The following TYMS variants were observed in gnomAD, a reference collection of about 807,000 sequenced individuals.
TYMS encodes the protein thymidylate synthase.
Under a neutral mutation model 39.3 loss-of-function variants are expected in TYMS, and 21 were observed. The observed-to-expected ratio is 0.54, with a 90% CI of 0.38 to 0.77. The LOEUF (loss-of-function observed/expected upper bound fraction) is 0.77, where lower values mean the gene tolerates loss of function less well. Ranked by LOEUF, TYMS falls within the 30% of genes least tolerant of loss-of-function variation. The pLI is 0.00. For missense variants in TYMS, 273 were observed against 406.7 expected, an observed-to-expected ratio of 0.67 and a Z score of 2.83; for synonymous variants, 171 against 162.2, an observed-to-expected ratio of 1.05 and a Z score of -0.41.
intron 4 of TYMS, 174 bp downstream of exon 4, chr18:669,347 A>T: frequency 2.0e-6 from 1 of 502,764 alleles, no homozygotes; most frequent in Non-Finnish European, 3.6e-6. Flanking sequence ...CCTTCAGATC[A>T]TGAGGTTGGG....
chr18:667,292 A>G (rs111211210), intron 3 of TYMS, among the ~76,000 whole-genome samples: 2 of 17,462 alleles, frequency 1.1e-4, no homozygotes, highest in Non-Finnish European at 1.8e-4. Context: ...ATGGTGATGG[A>G]GATGGTGATG....
At chr18:665,765 G>A (rs2074806136) in intron 3 of TYMS, among the ~76,000 whole-genome samples, 1 of 97,132 alleles carries the variant, frequency 1.0e-5, no homozygotes, top group South Asian at 3.4e-4. Flanking sequence ...CCTTCATTTC[G>A]TTATGTACCC....
intron 3 of TYMS, among the ~76,000 whole-genome samples, chr18:662,688 C>T (rs2074769619): frequency 6.6e-6 from 1 of 151,692 alleles, no homozygotes; most frequent in Admixed American, 6.6e-5. Context: ...CAACAGTCCC[C>T]AGAGTGTGAT....
intron 6 of TYMS, 192 bp from the exon 7 acceptor site, chr18:672,668 C>T (rs1419653430): frequency 2.1e-6 from 1 of 475,534 alleles, no homozygotes; most frequent in Non-Finnish European, 3.6e-6. Flanking sequence ...CCCTCACTCT[C>T]GATCTGTGCA....
At chr18:662,503 TC>T (rs369035695) in intron 3 of TYMS, among the ~76,000 whole-genome samples, 183 bp downstream of exon 3, 9 of 126,452 alleles carry the variant, frequency 7.1e-5, no homozygotes, top group Admixed American at 1.5e-4. Flanking sequence ...CGTTTCACAC[TC>T]TTTTTTTTTT....
In TYMS at chr18:670,708, G is replaced by A. The variant is rs147721429; in HGVS notation, c.573G>A (p.Ala191=). 271 of 1,613,620 alleles carry A rather than the reference G, an allele frequency of 1.7e-4. 1 individual carries two copies. The highest frequency in any genetic ancestry group is 2.1e-4 in the Non-Finnish European group (247 of 1,179,880). ...AWNPRDLPLM[A]LPPCHALCQF... is the part of the protein sequence containing the mutation. ...GTTCCTCAGATCTTCCTCTGATGGC[G>A]CTGCCTCCATGCCATGCCCTCTGCC... The change falls in exon 5 of 7, where the codon GCG becomes GCA. Residue 191 remains alanine (A), a synonymous_variant. Transcript: ENST00000323274.
At chr18:669,678 A>G (rs1285291868) in intron 4 of TYMS, among the ~76,000 whole-genome samples, 1 of 152,112 alleles carries the variant, frequency 6.6e-6, no homozygotes, top group Non-Finnish European at 1.5e-5. Context: ...CTTACACCAA[A>G]AAGGGTTTTA....
intron 3 of TYMS, among the ~76,000 whole-genome samples, chr18:667,551 G>GGT: frequency 3.3e-5 from 3 of 91,912 alleles, no homozygotes; most frequent in Non-Finnish European, 6.0e-5. Context: ...TGATGGTGAT[G>GGT]GAGATGGTGA....
At chr18:661,341 T>C (rs1051442170) in intron 2 of TYMS, among the ~76,000 whole-genome samples, 1 of 152,250 alleles carries the variant, frequency 6.6e-6, no homozygotes, top group African/African-American at 2.4e-5. Context: ...ACCTTGATAG[T>C]TGGAGTTACT....
At chr18:672,533 G>A (rs550834822) in intron 6 of TYMS, 62 of 180,938 alleles carry the variant, frequency 3.4e-4, no homozygotes, top group Non-Finnish European at 6.4e-4. Context: ...TCAAGTAAAC[G>A]TAGAGCTACT....
intron 6 of TYMS, 117 bp downstream of exon 6, chr18:671,568 G>A (rs1166292920): frequency 1.3e-6 from 1 of 762,108 alleles, no homozygotes; most frequent in Non-Finnish European, 2.3e-6. Flanking sequence ...TCCAAATGTG[G>A]GGCTTCAGTT....
At chr18:666,337 G>C (rs553562263) in intron 3 of TYMS, among the ~76,000 whole-genome samples, 2 of 152,180 alleles carry the variant, frequency 1.3e-5, no homozygotes, top group East Asian at 3.9e-4. Context: ...CTGAGCCACA[G>C]CGTGCTGTAG....
intron 6 of TYMS, 43 bp downstream of exon 6, chr18:671,494 T>G (rs779554920): frequency 1.6e-6 from 2 of 1,264,840 alleles, no homozygotes; most frequent in South Asian, 2.4e-5. Flanking sequence ...TACCTTCTCT[T>G]GATAAAAGGT....
chr18:657,939 G>A lies in TYMS; in HGVS notation c.197G>A (p.Ser66Asn). 1 of 1,511,268 alleles carries A rather than the reference G, an allele frequency of 6.6e-7. No homozygotes were observed. Among genetic ancestry groups the A allele is most frequent in the South Asian group, 1.3e-5 (1 of 74,308 alleles). The allele number at this position is 1,511,268 out of a possible 1,614,324, so 93.6% of individuals were successfully genotyped here. ...LSVFGMQARY[S>N]LRDEFPLLTT... ...GTATTCGGCATGCAGGCGCGCTACAGCCTGAGAGGTGACGCCGCGGGCCCC... is the reference window on the plus strand; with the variant it reads ...GTATTCGGCATGCAGGCGCGCTACAACCTGAGAGGTGACGCCGCGGGCCCC... Residue 66 changes from serine (S) to asparagine (N), a missense_variant, in exon 1 of 7, where the codon AGC becomes AAC. Transcript: ENST00000323274.
rs567074603 is a variant in TYMS, at chr18:660,449, G to A, written c.279+735G>A. On this transcript the variant is annotated intron_variant, in intron 2 of 6. Transcript: ENST00000323274. The surrounding 1 kb of genome is among the most constrained non-coding windows in gnomAD (Gnocchi z 4.6). ...TCCCCTGTTAGAAGGGGGACAGCAG[G>A]TAGTAAAAGTGAAATGTGCTGTAAG... is the stretch of plus-strand genomic sequence containing the variant. Among the ~76,000 whole-genome samples the A allele has an allele frequency of 6.6e-6, 1 of 152,280 alleles. No homozygotes were observed. Among genetic ancestry groups the A allele is most frequent in the African/African-American group, 2.4e-5 (1 of 41,532 alleles).
At position 670,834 on chromosome 18, in the gene TYMS, C is replaced by T. The variant is rs749801250; in HGVS notation, c.699C>T (p.Leu233=). 2.2e-5 allele frequency: 36 copies of T among 1,613,920 alleles called. No individual in the cohort carries two copies. Among genetic ancestry groups the T allele is most frequent in the Non-Finnish European group, 3.0e-5 (35 of 1,180,010 alleles). The change falls in exon 5 of 7, where the codon CTC becomes CTT. Residue 233 remains leucine (L), a synonymous_variant. Transcript: ENST00000323274. The part of the protein sequence containing the change: ...VPFNIASYAL[L]TYMIAHITGL... ...TCAACATCGCCAGCTACGCCCTGCT[C>T]ACGTACATGATTGCGCACATCACGG...
chr18:658,302 G>T lies in TYMS; in HGVS notation c.205+355G>T, dbSNP rs887590638. 2.2e-6 allele frequency: 3 copies of T among 1,391,324 alleles called. No individual in the cohort carries two copies. The African/African-American group carries it at 4.3e-5, about 20-fold the overall frequency. The allele number at this position is 1,391,324 out of a possible 1,614,324, so 86.2% of individuals were successfully genotyped here. On this transcript the variant is annotated intron_variant, in intron 1 of 6. Transcript: ENST00000323274. This position sits in a 1 kb window ranked among gnomAD's most constrained non-coding sequence, Gnocchi z 4.5. ...TAGGGAGAGCTGCCTGGGCTTGACC[G>T]CGCGCCGGTCTCAAAGTCCTGGCTT...
At chr18:663,916 G>A (rs2074781690) in intron 3 of TYMS, among the ~76,000 whole-genome samples, 1 of 108,432 alleles carries the variant, frequency 9.2e-6, no homozygotes, top group Non-Finnish European at 1.8e-5. Flanking sequence ...TTTGGTTACT[G>A]TAGCCTTGTA....
chr18:657,671 CCGCCG>C lies in TYMS; in HGVS notation c.-67_-63del. ...CCGCGCCACTTGGCCTGCCTCCGTC[CCGCCG>C]CGCCACTTGGCCTGCCTCCGTCCCG... On this transcript the variant is annotated 5_prime_UTR_variant, in exon 1 of 7. Transcript: ENST00000323274. The C allele has an allele frequency of 2.7e-6, 1 of 367,782 alleles. No individual in the cohort carries two copies. Among genetic ancestry groups the C allele is most frequent in the South Asian group, 5.7e-5 (1 of 17,662 alleles). The allele number at this position is 367,782 out of a possible 1,614,324, so 22.8% of individuals were successfully genotyped here.
Sources: gnomAD v4.1 joint callset for allele counts (sites outside exome capture counted in the v4.1 genomes callset) on GRCh38, gnomAD v4.1.1 for gene constraint, Gnocchi (gnomAD v3.1) non-coding constraint, MANE v1.5 for transcripts, NCBI Gene and HGNC (gene_info 2026-07-23, HGNC 2026-07-21) for gene names.